Variants in PTPN9 observed in about 807,000 individuals in gnomAD.
PTPN9 encodes tyrosine-protein phosphatase non-receptor type 9.
In PTPN9, 26 loss-of-function variants were observed where a neutral mutation model predicts 69.8. The ratio of observed to expected loss-of-function variants is 0.37; its 90% confidence interval spans 0.27 to 0.52. The LOEUF (loss-of-function observed/expected upper bound fraction) is 0.52, where lower values mean the gene tolerates loss of function less well. PTPN9 is among the 20% of genes least tolerant of loss of function. The probability of loss-of-function intolerance (pLI) is 0.91; values close to 1 mark genes in which losing one functional copy is unlikely to be tolerated. For missense variants in PTPN9, 549 were observed against 740.3 expected (o/e 0.74, Z 3.00); for synonymous variants, 274 against 272.5 (o/e 1.01, Z -0.05).
chr15:75,486,099 C>CAAA (rs571404981), intron 8 of PTPN9, among the ~76,000 whole-genome samples: 9 of 86,970 alleles, frequency 1.0e-4, no homozygotes, highest in East Asian at 3.6e-4. Context: ...GACTCCAACT[C>CAAA]AAAAAAAAAA....
chr15:75,470,981 G>T, intron 10 of PTPN9, 151 bp from the exon 11 acceptor site: 2 of 948,446 alleles, frequency 2.1e-6, no homozygotes, highest in Non-Finnish European at 3.1e-6. Context: ...GAAAGGAAAG[G>T]AAACCTCTTC....
chr15:75,464,888 G>GGGGCACCCTTC lies in PTPN9; in HGVS notation c.*3870_*3880dup, dbSNP rs1214140095. The GGGGCACCCTTC allele has an allele frequency of 2.6e-5, 4 of 152,276 alleles. No individual in the cohort carries two copies. In the East Asian group the frequency reaches 7.7e-4, roughly 29 times the overall value. The allele number at this position is 152,276 out of a possible 1,614,324, so 9.4% of individuals were successfully genotyped here. ...GTGGGCCTCCGAGGCTGAGGATGCT[G>GGGGCACCCTTC]GGGCACCCTTCGTCTCAGGAGTCCC... On this transcript the variant is annotated 3_prime_UTR_variant, in exon 13 of 13. Coordinates refer to ENST00000618819, the MANE Select transcript of PTPN9 (RefSeq NM_002833.4).
intron 1 of PTPN9, among the ~76,000 whole-genome samples, chr15:75,534,154 A>G (rs1567509063): frequency 6.6e-6 from 1 of 152,190 alleles, no homozygotes; most frequent in East Asian, 1.9e-4. Flanking sequence ...CTCACCTTGA[A>G]TGAGAAACGG....
At chr15:75,522,054 A>C (rs2074907628) in intron 4 of PTPN9, among the ~76,000 whole-genome samples, 2 of 152,196 alleles carry the variant, frequency 1.3e-5, no homozygotes, top group Admixed American at 1.3e-4. Context: ...TGTCGAGAGC[A>C]GTAAGAAACT....
chr15:75,552,236 T>TAA lies in PTPN9; in HGVS notation c.64-24977_64-24976dup, dbSNP rs1194927038. Among the ~76,000 whole-genome samples, 79 of 135,758 alleles carry TAA rather than the reference T, an allele frequency of 5.8e-4. 1 individual carries two copies. The highest frequency in any genetic ancestry group is 1.9e-3 in the African/African-American group (69 of 36,866). 89.1% of individuals were successfully genotyped at this position (135,758 alleles called of 152,430 possible). A position where few individuals can be genotyped will look rare whatever the true frequency, so the allele number is the denominator to read the frequency against. ...CAACATAGAGAAACCCCATCTCTAC[T>TAA]AAAAAAAAAAAAAGTAGAAAATTAA... On this transcript the variant is annotated intron_variant, in intron 1 of 12. Transcript: ENST00000618819.
intron 1 of PTPN9, among the ~76,000 whole-genome samples, chr15:75,557,567 C>G (rs995856787): frequency 3.9e-5 from 6 of 152,102 alleles, no homozygotes; most frequent in African/African-American, 1.4e-4. Flanking sequence ...TACCTTTAAT[C>G]TTTAGAGAAA....
rs1347370561 is a variant in PTPN9 at position 75,505,924 on chromosome 15, T to C, written c.719A>G (p.Lys240Arg). 3.1e-6 allele frequency: 5 copies of C among 1,614,078 alleles called. No homozygotes were observed. Among genetic ancestry groups the C allele is most frequent in the Middle Eastern group, 1.7e-4 (1 of 6,060 alleles). The change falls in exon 7 of 13, where the codon AAA becomes AGA. Residue 240 changes from lysine to arginine, a missense_variant. By Grantham distance (26) the Lys-to-Arg change is conservative. This residue lies in a region of PTPN9 where 457 missense variants were observed against 661.9 expected (regional missense o/e 0.69). Transcript: ENST00000618819. ...GAAATTCCAAGTGGCGAGATCAATT[T>C]TGACGTACCCACCCAGGTTTTCTGG... ...CLPENLGGYV[K>R]IDLATWNFQF...
chr15:75,537,576 A>G (rs1346926435), intron 1 of PTPN9, among the ~76,000 whole-genome samples: 1 of 145,640 alleles, frequency 6.9e-6, no homozygotes, highest in Non-Finnish European at 1.5e-5. Context: ...ACACGGTGAA[A>G]CCCCCACCTC....
At chr15:75,514,516 T>C (rs1296752314) in intron 5 of PTPN9, among the ~76,000 whole-genome samples, 3 of 152,072 alleles carry the variant, frequency 2.0e-5, no homozygotes, top group Non-Finnish European at 4.4e-5. Flanking sequence ...GAGGTGGAGG[T>C]TGCAGTGAGC....
chr15:75,538,624 G>A (rs985365555), intron 1 of PTPN9, among the ~76,000 whole-genome samples: 18 of 151,968 alleles, frequency 1.2e-4, no homozygotes, highest in South Asian at 2.1e-4. Context: ...AGAGGCTGCA[G>A]TGAGCTGAAA....
chr15:75,473,840 TACTCCCCAATGGTA>T, intron 9 of PTPN9, 73 bp from the exon 10 acceptor site: 1 of 1,159,606 alleles, frequency 8.6e-7, no homozygotes, highest in Non-Finnish European at 1.3e-6. Flanking sequence ...GCTTCTGTTT[TACTCCCCAATGGTA>T]ACTCCAAACC....
At chr15:75,561,357 A>C (rs1230418087) in intron 1 of PTPN9, among the ~76,000 whole-genome samples, 2 of 152,028 alleles carry the variant, frequency 1.3e-5, no homozygotes, top group African/African-American at 4.8e-5. Flanking sequence ...GTTTTTTGGA[A>C]AATTTTCTTC....
intron 10 of PTPN9, among the ~76,000 whole-genome samples, chr15:75,473,229 C>T (rs1567462382): frequency 6.6e-6 from 1 of 152,012 alleles, no homozygotes; most frequent in Non-Finnish European, 1.5e-5. Flanking sequence ...AAAATCTTTG[C>T]CCTGGCTTTC....
At chr15:75,514,300 C>T (rs2074858862) in intron 5 of PTPN9, among the ~76,000 whole-genome samples, 1 of 151,868 alleles carries the variant, frequency 6.6e-6, no homozygotes, top group South Asian at 2.1e-4. Context: ...CGCTGTGGGT[C>T]GGGCACAGTG....
Position 75,505,963 on chromosome 15 carries a change from G to A in PTPN9, c.680C>T (p.Pro227Leu). The part of the protein sequence containing the change: ...LKTSEVTQHL[P>L]RECLPENLGG... Reference sequence around the variant, plus strand: ...CAGGTTTTCTGGAAGACACTCCCTGGGCAGATGCTGCGTGACCTCAGATGT... The same window carrying A: ...CAGGTTTTCTGGAAGACACTCCCTGAGCAGATGCTGCGTGACCTCAGATGT... The change falls in exon 7 of 13, where the codon CCC becomes CTC. Residue 227 changes from proline (P) to leucine (L), a missense_variant. This residue lies in a region of PTPN9 where 457 missense variants were observed against 661.9 expected (regional missense o/e 0.69). Coordinates refer to ENST00000618819, the MANE Select transcript of PTPN9 (RefSeq NM_002833.4). 6.2e-7 allele frequency: 1 copy of A among 1,613,908 alleles called. No homozygotes were observed. Among genetic ancestry groups the A allele is most frequent in the Non-Finnish European group, 8.5e-7 (1 of 1,179,852 alleles).
chr15:75,521,065 G>C (rs2074902445), intron 4 of PTPN9, among the ~76,000 whole-genome samples: 1 of 152,098 alleles, frequency 6.6e-6, no homozygotes, highest in Admixed American at 6.5e-5. Flanking sequence ...TGCCCAGGCT[G>C]GTCTCGAACT....
rs200742118 is a variant in PTPN9 at position 75,479,919 on chromosome 15, T to C, written c.1063-5A>G. 1,288 of 1,595,800 alleles carry C rather than the reference T, an allele frequency of 8.1e-4. No individual in the cohort carries two copies. The highest frequency in any genetic ancestry group is 1.0e-3 in the Non-Finnish European group (1,215 of 1,167,674). ...ACTGGCATTGATGTAATCTGTCTAATGATAAAAAGGAGACATCACTATAGC... is the reference window on the plus strand; with the variant it reads ...ACTGGCATTGATGTAATCTGTCTAACGATAAAAAGGAGACATCACTATAGC... On this transcript the variant is annotated splice_polypyrimidine_tract_variant and splice_region_variant and intron_variant, in intron 8 of 12. Coordinates refer to ENST00000618819, the MANE Select transcript of PTPN9 (RefSeq NM_002833.4).
chr15:75,477,605 T>C (rs1379227595), intron 9 of PTPN9, among the ~76,000 whole-genome samples: 1 of 152,054 alleles, frequency 6.6e-6, no homozygotes, highest in African/African-American at 2.4e-5. Flanking sequence ...AAAACTTAAT[T>C]AATTAATTAA....
intron 1 of PTPN9, among the ~76,000 whole-genome samples, chr15:75,563,278 T>C (rs1397055326): frequency 9.2e-5 from 14 of 152,048 alleles, no homozygotes; most frequent in Non-Finnish European, 1.3e-4. Flanking sequence ...AACCTCTGCC[T>C]CCCGGGTTCA....
Sources: gnomAD v4.1 joint callset for allele counts (sites outside exome capture counted in the v4.1 genomes callset) on GRCh38, gnomAD v4.1.1 for gene constraint, gnomAD v4.1.1 regional missense constraint, MANE v1.5 for transcripts, NCBI Gene and HGNC (gene_info 2026-07-23, HGNC 2026-07-21) for gene names.